CA8: variants seen among roughly 807,000 people sequenced by gnomAD.
CA8 encodes carbonic anhydrase-related protein.
Under a neutral mutation model 41.4 loss-of-function variants are expected in CA8, and 22 were observed. The observed-to-expected ratio is 0.53, with a 90% confidence interval of 0.38 to 0.76. The LOEUF (loss-of-function observed/expected upper bound fraction) is 0.76. Ranked by LOEUF, CA8 falls within the 30% of genes least tolerant of loss-of-function variation. The pLI, the probability that CA8 is intolerant of heterozygous loss-of-function variation, is 0.00. For synonymous variants in CA8, 121 were observed against 130.6 expected, an observed-to-expected ratio of 0.93 and a Z score of 0.50; for missense variants, 270 against 352.8, an observed-to-expected ratio of 0.77 and a Z score of 1.88.
intron 8 of CA8, among the ~76,000 whole-genome samples, chr8:60,197,095 G>T (rs961225181): frequency 3.9e-5 from 6 of 152,192 alleles, no homozygotes; most frequent in Middle Eastern, 3.4e-3. Flanking sequence ...CTTGGGAAAA[G>T]CAATCTGCAT....
chr8:60,195,000 T>C (rs1469223050), intron 8 of CA8, among the ~76,000 whole-genome samples: 1 of 152,206 alleles, frequency 6.6e-6, no homozygotes, highest in African/African-American at 2.4e-5. Context: ...ATAACTACAT[T>C]AGTTAGTAAT....
intron 3 of CA8, chr8:60,265,615 T>C (rs1415378023): frequency 2.9e-6 from 1 of 350,346 alleles, no homozygotes; most frequent in African/African-American, 2.1e-5. Flanking sequence ...ATCCAAAGCA[T>C]CCACAAAAAT....
chr8:60,264,310 G>A (rs551171974), intron 3 of CA8, among the ~76,000 whole-genome samples: 1 of 152,280 alleles, frequency 6.6e-6, no homozygotes, highest in East Asian at 1.9e-4. Context: ...TAGAACTTTT[G>A]TTACTAGAGT....
At chr8:60,239,448 T>C (rs180831221) in intron 3 of CA8, among the ~76,000 whole-genome samples, 1 of 152,286 alleles carries the variant, frequency 6.6e-6, no homozygotes, top group East Asian at 1.9e-4. Flanking sequence ...AGAACTGTCT[T>C]GGGCCACACA....
chr8:60,249,313 G>A (rs1362785863), intron 3 of CA8, among the ~76,000 whole-genome samples: 9 of 152,236 alleles, frequency 5.9e-5, no homozygotes, highest in African/African-American at 1.4e-4. Flanking sequence ...CACATAAACC[G>A]ACAGTGGCAC....
intron 3 of CA8, among the ~76,000 whole-genome samples, chr8:60,236,425 T>C (rs1807832415): frequency 6.6e-6 from 1 of 152,154 alleles, no homozygotes; most frequent in African/African-American, 2.4e-5. Flanking sequence ...CCTCTGTTTC[T>C]CTCTCTTTCT....
chr8:60,222,586 C>T, intron 7 of CA8, 63 bp downstream of exon 7: 1 of 1,053,002 alleles, frequency 9.5e-7, no homozygotes, highest in Non-Finnish European at 1.5e-6. Flanking sequence ...AGACATTTTC[C>T]TTTCTCAGAA....
intron 3 of CA8, among the ~76,000 whole-genome samples, chr8:60,264,610 C>A (rs1369177085): frequency 1.3e-5 from 2 of 152,162 alleles, no homozygotes; most frequent in Non-Finnish European, 2.9e-5. Flanking sequence ...GCAAACAGCT[C>A]CTAGACAGGT....
At chr8:60,256,001 CG>C (rs1585911622) in intron 3 of CA8, among the ~76,000 whole-genome samples, 1 of 151,826 alleles carries the variant, frequency 6.6e-6, no homozygotes, top group East Asian at 1.9e-4. Context: ...CTCCGCCTCC[CG>C]GGTTCAAGCG....
chr8:60,215,897 T>C (rs1464860100), intron 7 of CA8, among the ~76,000 whole-genome samples: 1 of 152,228 alleles, frequency 6.6e-6, no homozygotes, highest in Non-Finnish European at 1.5e-5. Context: ...AATACTATTA[T>C]CCTATGGCAG....
chr8:60,202,788 T>C (rs1271805990), intron 8 of CA8, among the ~76,000 whole-genome samples: 1 of 152,106 alleles, frequency 6.6e-6, no homozygotes, highest in Non-Finnish European at 1.5e-5. Context: ...CCAAAACATA[T>C]TCTGCAATCT....
chr8:60,253,092 A>C (rs1362917252), intron 3 of CA8, among the ~76,000 whole-genome samples: 1 of 151,994 alleles, frequency 6.6e-6, no homozygotes, highest in African/African-American at 2.4e-5. Flanking sequence ...AAAATTAGCC[A>C]TGCATAGTGG....
intron 3 of CA8, among the ~76,000 whole-genome samples, chr8:60,256,481 C>T (rs1024859158): frequency 6.6e-6 from 1 of 152,040 alleles, no homozygotes; most frequent in African/African-American, 2.4e-5. Context: ...GTGTGTAGAA[C>T]CCTACAAAGC....
chr8:60,256,971 ATTTG>A (rs1193251777), intron 3 of CA8, among the ~76,000 whole-genome samples: 4 of 151,762 alleles, frequency 2.6e-5, no homozygotes, highest in Non-Finnish European at 5.9e-5. Context: ...TTTTTGTTTT[ATTTG>A]TTTATTTTTA....
chr8:60,239,806 C>T (rs115196923), intron 3 of CA8, among the ~76,000 whole-genome samples: 3,785 of 152,272 alleles, frequency 0.025, 159 homozygotes, highest in African/African-American at 0.085. Context: ...ATAAATCTCA[C>T]GAGATCTGAT....
At chr8:60,193,577 T>C (rs1806196458) in intron 8 of CA8, among the ~76,000 whole-genome samples, 1 of 152,158 alleles carries the variant, frequency 6.6e-6, no homozygotes. Context: ...GGTAAGGAAT[T>C]TGGTGGGTTG....
chr8:60,191,551 T>C (rs899713923), intron 8 of CA8, among the ~76,000 whole-genome samples: 1 of 152,168 alleles, frequency 6.6e-6, no homozygotes. Flanking sequence ...GAGGCTCTAA[T>C]ATGCTGATGT....
intron 5 of CA8, among the ~76,000 whole-genome samples, chr8:60,226,373 T>C (rs1373209511): frequency 1.3e-5 from 2 of 152,312 alleles, no homozygotes; most frequent in Non-Finnish European, 1.5e-5. Flanking sequence ...TGTTGTTACA[T>C]GTCTGAGGCC....
At chr8:60,255,161 C>T (rs1808583115) in intron 3 of CA8, among the ~76,000 whole-genome samples, 1 of 152,144 alleles carries the variant, frequency 6.6e-6, no homozygotes, top group Non-Finnish European at 1.5e-5. Context: ...ACCAACTCCT[C>T]CTCCTGTATT....
Sources: allele counts gnomAD v4.1 joint callset (sites outside exome capture counted in the v4.1 genomes callset), GRCh38; gene constraint gnomAD v4.1.1; transcripts MANE v1.5; gene names NCBI Gene and HGNC (gene_info 2026-07-23, HGNC 2026-07-21).